ZNF480: variants seen among roughly 807,000 people sequenced by gnomAD.
ZNF480 encodes the protein zinc finger protein 480.
A neutral mutation model predicts 14.4 loss-of-function variants in ZNF480; 15 were observed. That is an observed-to-expected ratio of 1.04 (90% CI 0.70 to 1.60). The LOEUF (loss-of-function observed/expected upper bound fraction) is 1.60. ZNF480 is among the 40% of genes most tolerant of loss of function. The pLI, the probability that ZNF480 is intolerant of heterozygous loss-of-function variation, is 0.00. For synonymous variants in ZNF480, 218 were observed against 215.5 expected, an observed-to-expected ratio of 1.01 and a Z score of -0.10; for missense variants, 593 against 629.7, an observed-to-expected ratio of 0.94 and a Z score of 0.62.
chr19:52,318,176 G>A (rs1013373321), intron 4 of ZNF480, among the ~76,000 whole-genome samples: 4 of 151,756 alleles, frequency 2.6e-5, no homozygotes, highest in African/African-American at 2.4e-5. Flanking sequence ...GCGTGATCTC[G>A]GCTCACTGGT....
chr19:52,311,794 G>A (rs1354204527), intron 2 of ZNF480, among the ~76,000 whole-genome samples: 2 of 151,850 alleles, frequency 1.3e-5, no homozygotes, highest in African/African-American at 4.8e-5. Flanking sequence ...ACAACATAGT[G>A]AGACCCTGTC....
intron 2 of ZNF480, among the ~76,000 whole-genome samples, chr19:52,310,307 T>C (rs1338145559): frequency 2.6e-5 from 4 of 152,184 alleles, no homozygotes; most frequent in Admixed American, 2.0e-4. Context: ...TCCGCCTGCG[T>C]TGGCCTCCCA....
intron 4 of ZNF480, among the ~76,000 whole-genome samples, chr19:52,316,166 G>A (rs1386212556): frequency 6.6e-6 from 1 of 150,766 alleles, no homozygotes; most frequent in Non-Finnish European, 1.5e-5. Flanking sequence ...TTATTTGACT[G>A]GAGATCTTTC....
chr19:52,322,328 C>T lies in ZNF480; in HGVS notation c.1078C>T (p.Arg360Ter), dbSNP rs538245309. ...KAFYRIALLV[R>*]HQKIHTGEKP... is the part of the protein sequence containing the mutation. The stretch of plus-strand genomic sequence containing the variant: ...CTTCTATAGGATTGCGCTCCTTGTA[C>T]GACATCAGAAAATTCATACTGGAGA... Residue 360 changes from arginine (R) to a stop codon, truncating the protein, a stop_gained, in exon 5 of 5, where the codon CGA (arginine) becomes TGA (stop). Coordinates refer to ENST00000595962, the MANE Select transcript of ZNF480 (RefSeq NM_144684.4). LOFTEE classifies it low-confidence loss of function (END_TRUNC). 71 of 1,610,802 alleles carry T rather than the reference C, an allele frequency of 4.4e-5. No homozygotes were observed. The highest frequency in any genetic ancestry group is 5.0e-5 in the Non-Finnish European group (59 of 1,179,182).
chr19:52,316,194 C>CTCTTTCTTTCTTTCTT (rs56388324), intron 4 of ZNF480, among the ~76,000 whole-genome samples: 7,033 of 142,710 alleles, frequency 0.049, 210 homozygotes, highest in African/African-American at 0.058. Flanking sequence ...CTCTCTCTTT[C>CTCTTTCTTTCTTTCTT]TCTTTCTTTC....
chr19:52,311,639 A>G (rs966322650), intron 2 of ZNF480, among the ~76,000 whole-genome samples: 1 of 152,182 alleles, frequency 6.6e-6, no homozygotes, highest in African/African-American at 2.4e-5. Context: ...TGAAATGTAC[A>G]TAGCAAAAAT....
At chr19:52,311,956 C>T (rs1005230490) in intron 2 of ZNF480, among the ~76,000 whole-genome samples, 23 of 152,010 alleles carry the variant, frequency 1.5e-4, no homozygotes, top group African/African-American at 5.1e-4. Context: ...GACCGTGATG[C>T]GTGTTCATGA....
At chr19:52,298,310 CAG>C (rs1320987071) in intron 1 of ZNF480, among the ~76,000 whole-genome samples, 1 of 151,842 alleles carries the variant, frequency 6.6e-6, no homozygotes, top group Non-Finnish European at 1.5e-5. Flanking sequence ...AGGGATTTAA[CAG>C]AGAGAGCAGA....
At chr19:52,312,674 G>A (rs766891782) in intron 2 of ZNF480, among the ~76,000 whole-genome samples, 9 of 152,134 alleles carry the variant, frequency 5.9e-5, no homozygotes, top group African/African-American at 1.9e-4. Context: ...TGACACAGTT[G>A]TCTTCTCAGT....
At chr19:52,297,447 AC>A (rs1982456867) in intron 1 of ZNF480, among the ~76,000 whole-genome samples, 1 of 150,788 alleles carries the variant, frequency 6.6e-6, no homozygotes, top group African/African-American at 2.4e-5. Flanking sequence ...CCATGTAGTC[AC>A]CTCCTGTCGC....
rs766002618 is a variant in ZNF480 at position 52,322,545 on chromosome 19, G to A, written c.1295G>A (p.Cys432Tyr). Residue 432 changes from cysteine (C) to tyrosine (Y), a missense_variant, in exon 5 of 5, where the codon TGT becomes TAT. By Grantham distance (194) the Cys-to-Tyr change is radical. Coordinates refer to ENST00000595962, the MANE Select transcript of ZNF480 (RefSeq NM_144684.4). ...TGEKPYKCNE[C>Y]GKAFSEYSGL... is the part of the protein sequence containing the mutation. ...GAGAAGCCTTACAAATGTAATGAATGTGGTAAAGCATTTAGTGAGTATTCA... is the reference window on the plus strand; with the variant it reads ...GAGAAGCCTTACAAATGTAATGAATATGGTAAAGCATTTAGTGAGTATTCA... The A allele has an allele frequency of 3.1e-6, 5 of 1,614,024 alleles. No individual in the cohort carries two copies. The highest frequency in any genetic ancestry group is 1.3e-5 in the African/African-American group (1 of 74,920).
rs189217102 is a variant in ZNF480 at position 52,322,815 on chromosome 19, G to A, written c.1565G>A (p.Arg522His). The A allele has an allele frequency of 1.2e-5, 19 of 1,606,088 alleles. No individual in the cohort carries two copies. Among genetic ancestry groups the A allele is most frequent in the South Asian group, 8.9e-5 (8 of 90,054 alleles). Residue 522 changes from arginine to histidine, a missense_variant, in exon 5 of 5, where the codon CGC becomes CAC. Physicochemically the swap from Arg to His is conservative, Grantham distance 29. Coordinates refer to ENST00000595962, the MANE Select transcript of ZNF480 (RefSeq NM_144684.4). ...AATGAGTGTGGCAAGGCCTTTAGTC[G>A]CATTTCATACCTAGCACAACATTGG... Reference protein sequence around the residue: ...KCNECGKAFSRISYLAQHWTI... With the variant: ...KCNECGKAFSHISYLAQHWTI...
intron 2 of ZNF480, among the ~76,000 whole-genome samples, chr19:52,310,860 C>A (rs980485744): frequency 6.6e-6 from 1 of 151,006 alleles, no homozygotes; most frequent in Non-Finnish European, 1.5e-5. Context: ...AAAAAATTAG[C>A]CGGGCATGGT....
At position 52,322,098 on chromosome 19, in the gene ZNF480, G is replaced by C. The variant is rs780898066; in HGVS notation, c.848G>C (p.Arg283Thr). ...GCACGACATCAAAGAATTCATACCA[G>C]AGAGAAGCCGTATGAATGTAATGAA... ...NFARHQRIHT[R>T]EKPYECNECG... Residue 283 changes from arginine (R) to threonine (T), a missense_variant, in exon 5 of 5, where the codon AGA (arginine) becomes ACA (threonine). Arg to Thr is a moderately conservative substitution (Grantham distance 71). Coordinates refer to ENST00000595962, the MANE Select transcript of ZNF480 (RefSeq NM_144684.4). 1.9e-6 allele frequency: 3 copies of C among 1,613,868 alleles called. No homozygotes were observed. Among genetic ancestry groups the C allele is most frequent in the African/African-American group, 1.3e-5 (1 of 74,892 alleles).
Position 52,319,823 on chromosome 19 carries a change from T to TG in ZNF480, c.329-1756_329-1755insG, listed in dbSNP as rs1555799209. The stretch of plus-strand genomic sequence containing the variant: ...TAGCTGATACTGTGTTTTTTTTTTT[T>TG]TTTTTTTTTTTTAAATTAGAGTCTT... On this transcript the variant is annotated intron_variant, in intron 4 of 4. Coordinates refer to ENST00000595962, the MANE Select transcript of ZNF480 (RefSeq NM_144684.4). Among the ~76,000 whole-genome samples, 391 of 109,524 alleles carry TG rather than the reference T, an allele frequency of 3.6e-3. 1 individual carries two copies. The highest frequency in any genetic ancestry group is 0.011 in the African/African-American group (360 of 32,692). The allele number at this position is 109,524 out of a possible 152,430, so 71.9% of individuals were successfully genotyped here.
intron 2 of ZNF480, chr19:52,307,550 G>C (rs1983000598): frequency 6.6e-6 from 1 of 152,186 alleles, no homozygotes; most frequent in African/African-American, 2.4e-5. Flanking sequence ...TGGCGCTAGA[G>C]GAATTAAATA....
intron 1 of ZNF480, among the ~76,000 whole-genome samples, chr19:52,298,853 G>A (rs777858525): frequency 6.6e-6 from 1 of 151,470 alleles, no homozygotes; most frequent in South Asian, 2.1e-4. Context: ...AGAGAAAGAA[G>A]GTGAGAATGA....
Position 52,303,871 on chromosome 19 carries a change from T to G in ZNF480, c.72+3387T>G, listed in dbSNP as rs145284247. ...TCAATTGATCCTTATGGTTACTTTC[T>G]GTGGCACTACTGTAGTGTCATTTAC... On this transcript the variant is annotated intron_variant, in intron 2 of 4. Transcript: ENST00000595962. Among the ~76,000 whole-genome samples, 369 of 152,352 alleles carry G rather than the reference T, an allele frequency of 2.4e-3. 1 individual carries two copies. The highest frequency in any genetic ancestry group is 8.8e-3 in the African/African-American group (365 of 41,586).
intron 2 of ZNF480, among the ~76,000 whole-genome samples, chr19:52,311,004 C>CAAA (rs972255252): frequency 2.2e-4 from 13 of 59,832 alleles, no homozygotes; most frequent in East Asian, 1.2e-3. Flanking sequence ...GATTCCGCCT[C>CAAA]AAAAAAAAAA....
Sources: allele counts gnomAD v4.1 joint callset (sites outside exome capture counted in the v4.1 genomes callset), GRCh38; gene constraint gnomAD v4.1.1; transcripts MANE v1.5; gene names NCBI Gene and HGNC (gene_info 2026-07-23, HGNC 2026-07-21).